CLEC9A: variants seen among roughly 807,000 people sequenced by gnomAD.
The protein encoded by CLEC9A is C-type lectin domain family 9 member A.
A neutral mutation model predicts 30.0 loss-of-function variants in CLEC9A; 24 were observed. The observed-to-expected ratio is 0.80, with a 90% CI of 0.58 to 1.13. The LOEUF is 1.13. Among genes scored for constraint, CLEC9A ranks in the 50% most tolerant of loss-of-function variants. CLEC9A has a pLI of 0.00. For synonymous variants in CLEC9A, 111 were observed against 96.8 expected (o/e 1.15, Z -0.86); for missense variants, 251 against 280.9 (o/e 0.89, Z 0.76).
intron 2 of CLEC9A, chr12:10,043,231 G>A: frequency 5.3e-6 from 2 of 377,496 alleles, no homozygotes; most frequent in Non-Finnish European, 1.1e-5. Context: ...ATCAAAGCCA[G>A]GACTGGTTTA....
intron 5 of CLEC9A, among the ~76,000 whole-genome samples, chr12:10,055,715 C>CTA (rs1168900453): frequency 6.6e-6 from 1 of 151,874 alleles, no homozygotes; most frequent in Non-Finnish European, 1.5e-5. Context: ...AATATTTTGT[C>CTA]TACTATATAG....
At chr12:10,058,833 C>A (rs7297681) in intron 5 of CLEC9A, among the ~76,000 whole-genome samples, 1 of 152,078 alleles carries the variant, frequency 6.6e-6, no homozygotes, top group African/African-American at 2.4e-5. Flanking sequence ...GCGAGAGCCA[C>A]CACGCCCAGC....
chr12:10,063,304 T>C (rs1458223999), intron 7 of CLEC9A, 98 bp downstream of exon 7: 1 of 1,112,682 alleles, frequency 9.0e-7, no homozygotes, highest in Non-Finnish European at 1.2e-6. Context: ...CTTAATATTC[T>C]ATAACAGCAG....
intron 5 of CLEC9A, among the ~76,000 whole-genome samples, chr12:10,059,448 A>G (rs1450683622): frequency 6.6e-6 from 1 of 152,244 alleles, no homozygotes; most frequent in Non-Finnish European, 1.5e-5. Context: ...TTAAAAGTAG[A>G]GCATAAAACT....
At chr12:10,064,627 C>G (rs1866026475) in intron 7 of CLEC9A, 105 bp from the exon 8 acceptor site, 2 of 1,232,036 alleles carry the variant, frequency 1.6e-6, no homozygotes, top group Non-Finnish European at 2.2e-6. Flanking sequence ...TTCCAGATTT[C>G]AAGTTCCCAT....
chr12:10,035,135 T>A (rs1349093568), intron 1 of CLEC9A, among the ~76,000 whole-genome samples: 1 of 152,236 alleles, frequency 6.6e-6, no homozygotes, highest in Non-Finnish European at 1.5e-5. Context: ...CCTGCCGATA[T>A]GCTCTTGACG....
chr12:10,053,098 C>A (rs137979707), intron 4 of CLEC9A, among the ~76,000 whole-genome samples: 11 of 152,246 alleles, frequency 7.2e-5, no homozygotes, highest in African/African-American at 2.4e-4. Context: ...TGCAAATTAT[C>A]TGATAAATAC....
intron 3 of CLEC9A, chr12:10,052,371 T>C: frequency 2.6e-6 from 1 of 385,588 alleles, no homozygotes; most frequent in Non-Finnish European, 3.9e-6. Flanking sequence ...ATCTTTTTCT[T>C]CTGAACTCAC....
Position 10,064,811 on chromosome 12 carries a change from G to A in CLEC9A, c.551G>A (p.Gly184Glu). ...GGGTTGTCTCAGGATGGACACAGCG[G>A]ACGCTGGCTTTGGCAAGATGGCTCC... is the stretch of plus-strand genomic sequence containing the variant. ...WVGLSQDGHS[G>E]RWLWQDGSSP... Residue 184 changes from glycine to glutamate, a missense_variant, in exon 8 of 9, where the codon GGA (glycine) becomes GAA (glutamate). Physicochemically the swap from Gly to Glu is moderately conservative, Grantham distance 98. Coordinates refer to ENST00000355819, the MANE Select transcript of CLEC9A (RefSeq NM_207345.4). 1 of 1,613,512 alleles carries A rather than the reference G, an allele frequency of 6.2e-7. No homozygotes were observed. The highest frequency in any genetic ancestry group is 8.5e-7 in the Non-Finnish European group (1 of 1,179,692).
In CLEC9A at chr12:10,065,740, G is replaced by T; in HGVS notation, c.*108G>T. On this transcript the variant is annotated 3_prime_UTR_variant, in exon 9 of 9. Coordinates refer to ENST00000355819, the MANE Select transcript of CLEC9A (RefSeq NM_207345.4). ...AACAGAACAGTAAACCAAAATGTGG[G>T]CCATGAAATTAGCAACCTGGGACTC... 1 of 1,290,014 alleles carries T rather than the reference G, an allele frequency of 7.8e-7. No individual in the cohort carries two copies. The highest frequency in any genetic ancestry group is 1.1e-6 in the Non-Finnish European group (1 of 930,416). 79.9% of individuals were successfully genotyped at this position (1,290,014 alleles called of 1,614,324 possible). A position where few individuals can be genotyped will look rare whatever the true frequency, so the allele number is the denominator to read the frequency against.
chr12:10,059,326 A>G (rs1319646614), intron 5 of CLEC9A, among the ~76,000 whole-genome samples: 3 of 152,234 alleles, frequency 2.0e-5, no homozygotes, highest in African/African-American at 7.2e-5. Context: ...TTTTCAACAA[A>G]TGGTGCTGGA....
chr12:10,059,303 A>C (rs940774256), intron 5 of CLEC9A, among the ~76,000 whole-genome samples: 4 of 152,214 alleles, frequency 2.6e-5, no homozygotes, highest in African/African-American at 9.6e-5. Context: ...CAATTGAAAG[A>C]AGGAGGATAG....
rs1253638680 is a variant in CLEC9A, at chr12:10,064,946, G to A, written c.593+93G>A. On this transcript the variant is annotated intron_variant, in intron 8 of 8. Transcript: ENST00000355819. The stretch of plus-strand genomic sequence containing the variant: ...CTTGTACCATGAATTTTCTCCAAGG[G>A]ACAAGCAGCATGATAATGTTACAGG... The A allele has an allele frequency of 2.1e-6, 3 of 1,429,208 alleles. No individual in the cohort carries two copies. In the African/African-American group the frequency reaches 4.4e-5, roughly 21 times the overall value. The allele number at this position is 1,429,208 out of a possible 1,614,324, so 88.5% of individuals were successfully genotyped here. A position where few individuals can be genotyped will look rare whatever the true frequency, so the allele number is the denominator to read the frequency against.
chr12:10,058,250 G>C (rs1865960492), intron 5 of CLEC9A, among the ~76,000 whole-genome samples: 1 of 152,138 alleles, frequency 6.6e-6, no homozygotes, highest in South Asian at 2.1e-4. Context: ...AGAATTATAT[G>C]TTGAATCTAA....
chr12:10,059,585 TA>T (rs1865977464), intron 5 of CLEC9A, among the ~76,000 whole-genome samples: 1 of 152,036 alleles, frequency 6.6e-6, no homozygotes, highest in Non-Finnish European at 1.5e-5. Flanking sequence ...CTCATCAAAA[TA>T]AAACATACAT....
Position 10,065,879 on chromosome 12 carries a change from G to T in CLEC9A, c.*247G>T. ...AGAAGACAAAACCCTGAAGAGTTAA[G>T]AACAAACGCAAGGAAATAATTTTTA... On this transcript the variant is annotated 3_prime_UTR_variant, in exon 9 of 9. Coordinates refer to ENST00000355819, the MANE Select transcript of CLEC9A (RefSeq NM_207345.4). The T allele has an allele frequency of 2.7e-6, 1 of 371,190 alleles. No individual in the cohort carries two copies. Among genetic ancestry groups the T allele is most frequent in the Non-Finnish European group, 4.8e-6 (1 of 206,572 alleles). 23.0% of individuals were successfully genotyped at this position (371,190 alleles called of 1,614,324 possible). A position where few individuals can be genotyped will look rare whatever the true frequency, so the allele number is the denominator to read the frequency against.
intron 1 of CLEC9A, among the ~76,000 whole-genome samples, chr12:10,039,475 C>A (rs1043420730): frequency 1.3e-5 from 2 of 152,106 alleles, no homozygotes; most frequent in African/African-American, 4.8e-5. Context: ...CAGTGTGGAT[C>A]CAAACTATTT....
At chr12:10,031,572 C>T (rs1464752835) in intron 1 of CLEC9A, among the ~76,000 whole-genome samples, 1 of 152,132 alleles carries the variant, frequency 6.6e-6, no homozygotes, top group Non-Finnish European at 1.5e-5. Context: ...GTGCCCCCCA[C>T]CATTTTGGGA....
In CLEC9A at chr12:10,043,609, A is replaced by AGTGTGTGTGTGTGT. The variant is rs34659428; in HGVS notation, c.-163+2004_-163+2017dup. The stretch of plus-strand genomic sequence containing the variant: ...TCTATATTAATCTTTACCATGGAAC[A>AGTGTGTGTGTGTGT]GTGTGTGTGTGTGTGTGTGTGTGTG... On this transcript the variant is annotated intron_variant, in intron 2 of 8. Transcript: ENST00000355819. Among the ~76,000 whole-genome samples the AGTGTGTGTGTGTGT allele has an allele frequency of 3.2e-4, 46 of 143,952 alleles. 1 individual carries two copies. Among genetic ancestry groups the AGTGTGTGTGTGTGT allele is most frequent in the African/African-American group, 1.1e-3 (44 of 38,888 alleles). The allele number at this position is 143,952 out of a possible 152,430, so 94.4% of individuals were successfully genotyped here. A position where few individuals can be genotyped will look rare whatever the true frequency, so the allele number is the denominator to read the frequency against.
Sources: gnomAD v4.1 joint callset for allele counts (sites outside exome capture counted in the v4.1 genomes callset) on GRCh38, gnomAD v4.1.1 for gene constraint, MANE v1.5 for transcripts, NCBI Gene and HGNC (gene_info 2026-07-23, HGNC 2026-07-21) for gene names.